The following CTPS1 variants were observed in gnomAD, a reference collection of about 807,000 sequenced individuals.
CTPS1 encodes the protein CTP synthase 1, also known as CTP synthetase 1.
CTPS1 carries 25 observed loss-of-function variants against 80.5 expected under a neutral mutation model. That is an observed-to-expected ratio of 0.31 (90% confidence interval 0.23 to 0.43). CTPS1 has a LOEUF of 0.43. Among genes scored for constraint, CTPS1 ranks in the 20% least tolerant of loss-of-function variants. The probability of loss-of-function intolerance (pLI) is 1.00; values close to 1 mark genes in which losing one functional copy is unlikely to be tolerated. For missense variants in CTPS1, 442 were observed against 725.7 expected (o/e 0.61, Z 4.49); for synonymous variants, 267 against 252.5 (o/e 1.06, Z -0.54).
At chr1:41,003,018 A>T in intron 11 of CTPS1, 96 bp from the exon 12 acceptor site, 3 of 1,198,938 alleles carry the variant, frequency 2.5e-6, no homozygotes, top group Non-Finnish European at 3.7e-6. Flanking sequence ...ATAATTCTCC[A>T]AATAAAGGAC....
chr1:40,990,452 A>G (rs1055035072), intron 5 of CTPS1, among the ~76,000 whole-genome samples: 2 of 152,158 alleles, frequency 1.3e-5, no homozygotes, highest in African/African-American at 2.4e-5. Flanking sequence ...CTTAGCAACA[A>G]TACTGGAAGC....
Position 41,009,545 on chromosome 1 carries a change from G to A in CTPS1, c.1647G>A (p.Gly549=). The A allele has an allele frequency of 6.2e-7, 1 of 1,614,132 alleles. No homozygotes were observed. The highest frequency in any genetic ancestry group is 1.7e-4 in the Middle Eastern group (1 of 6,060). Reference sequence around the variant, plus strand: ...TTGGCCTCCTCCTGGCCTCTGTGGGGCGGCTCTCACATTACCTCCAGAAAG... The same window carrying A: ...TTGGCCTCCTCCTGGCCTCTGTGGGACGGCTCTCACATTACCTCCAGAAAG... ...PYFGLLLASV[G]RLSHYLQKGC... Residue 549 remains glycine (G), a synonymous_variant, in exon 17 of 19, where the codon GGG becomes GGA. Coordinates refer to ENST00000650070, the MANE Select transcript of CTPS1 (RefSeq NM_001905.4).
intron 9 of CTPS1, among the ~76,000 whole-genome samples, chr1:41,000,386 G>T (rs997548678): frequency 6.6e-6 from 1 of 151,878 alleles, no homozygotes; most frequent in African/African-American, 2.4e-5. Flanking sequence ...GGGACTACAG[G>T]TGCATGCCAC....
intron 13 of CTPS1, among the ~76,000 whole-genome samples, chr1:41,006,506 C>CT (rs1643038345): frequency 6.6e-6 from 1 of 152,186 alleles, no homozygotes; most frequent in African/African-American, 2.4e-5. Flanking sequence ...AGCCATAGTC[C>CT]TGGGAGAACT....
chr1:40,984,782 T>C (rs1642409607), intron 2 of CTPS1, 39 bp from the exon 3 acceptor site: 1 of 1,423,652 alleles, frequency 7.0e-7, no homozygotes, highest in African/African-American at 1.4e-5. Flanking sequence ...GGTATAGGTA[T>C]TTTTCACTTA....
intron 1 of CTPS1, 37 bp from the exon 2 acceptor site, chr1:40,983,241 A>T: frequency 6.4e-7 from 1 of 1,572,772 alleles, no homozygotes; most frequent in Non-Finnish European, 8.7e-7. Context: ...GTTTGTTGAG[A>T]TACATTTATA....
intron 2 of CTPS1, among the ~76,000 whole-genome samples, chr1:40,983,669 C>T (rs530361480): frequency 6.7e-6 from 1 of 148,550 alleles, no homozygotes; most frequent in East Asian, 2.0e-4. Flanking sequence ...GTCCCTCAGG[C>T]TGGAGTGTAG....
chr1:40,988,392 G>T (rs368119775), intron 4 of CTPS1: 29 of 499,024 alleles, frequency 5.8e-5, no homozygotes, highest in African/African-American at 4.8e-4. Flanking sequence ...CTTTGGGAAG[G>T]ATGAGCCTGT....
At chr1:40,996,520 C>G (rs1448077437) in intron 8 of CTPS1, among the ~76,000 whole-genome samples, 1 of 152,184 alleles carries the variant, frequency 6.6e-6, no homozygotes, top group Non-Finnish European at 1.5e-5. Context: ...GTGTTGCTGC[C>G]TACTCCACTA....
At chr1:40,981,976 A>G in intron 1 of CTPS1, 1 of 1,288,564 alleles carries the variant, frequency 7.8e-7, no homozygotes, top group Non-Finnish European at 1.0e-6. Context: ...GAGGAGGAAA[A>G]TGTCCTGACC....
Position 41,012,452 on chromosome 1 carries a change from A to G in CTPS1, c.*804A>G, listed in dbSNP as rs1643197709. On this transcript the variant is annotated 3_prime_UTR_variant, in exon 19 of 19. Coordinates refer to ENST00000650070, the MANE Select transcript of CTPS1 (RefSeq NM_001905.4). ...TTACTGCAGTTGAAAGGGCAATATG[A>G]AGTTACTTTCTTAATGTGACCTAGC... 1 of 152,016 alleles carries G rather than the reference A, an allele frequency of 6.6e-6. No individual in the cohort carries two copies. The highest frequency in any genetic ancestry group is 6.5e-5 in the Admixed American group (1 of 15,270). The allele number at this position is 152,016 out of a possible 1,614,324, so 9.4% of individuals were successfully genotyped here.
intron 12 of CTPS1, among the ~76,000 whole-genome samples, chr1:41,003,714 C>T (rs1263723699): frequency 6.6e-6 from 1 of 152,224 alleles, no homozygotes; most frequent in East Asian, 1.9e-4. Flanking sequence ...GGGAAATGCT[C>T]AGATAATATC....
rs773324318 is a variant in CTPS1, at chr1:41,006,105, T to G, written c.1296+11T>G. On this transcript the variant is annotated intron_variant, in intron 13 of 18. Transcript: ENST00000650070. ...ACCAGTCATCCCGTGGTGAGTCAAG[T>G]GTTTGAACCTCCACAGGGCTTAGAA... 7 of 1,610,730 alleles carry G rather than the reference T, an allele frequency of 4.3e-6. No individual in the cohort carries two copies. Among genetic ancestry groups the G allele is most frequent in the Non-Finnish European group, 4.2e-6 (5 of 1,176,906 alleles).
chr1:40,985,711 C>T (rs2148389138), intron 3 of CTPS1, among the ~76,000 whole-genome samples: 1 of 152,212 alleles, frequency 6.6e-6, no homozygotes, highest in Middle Eastern at 3.4e-3. Context: ...AGCTGAGGGT[C>T]ACACTGACAG....
In CTPS1 at chr1:41,003,098, TC is replaced by T. The variant is rs770131083; in HGVS notation, c.1190-10del. 1.9e-5 allele frequency: 30 copies of T among 1,613,906 alleles called. 1 individual carries two copies. The highest frequency in any genetic ancestry group is 1.7e-4 in the African/African-American group (13 of 74,888). On this transcript the variant is annotated splice_polypyrimidine_tract_variant and intron_variant, in intron 11 of 18. Transcript: ENST00000650070. ...TTTCAATGGAGTTTTGTTTGTTTTT[TC>T]CCCCCGACTGGAAGGCGTGTGCTTA...
In CTPS1 at chr1:41,010,159, A is replaced by G. The variant is rs1643134093; in HGVS notation, c.1692-2A>G. ...GATGCGTAAACCATCTGAATTCTACAGGGACACCTATAGTGACAGGAGTGG... is the reference window on the plus strand; with the variant it reads ...GATGCGTAAACCATCTGAATTCTACGGGGACACCTATAGTGACAGGAGTGG... On this transcript the variant is annotated splice_acceptor_variant, in intron 17 of 18. Coordinates refer to ENST00000650070, the MANE Select transcript of CTPS1 (RefSeq NM_001905.4). LOFTEE classifies it high-confidence loss of function. 6.2e-7 allele frequency: 1 copy of G among 1,610,936 alleles called. No homozygotes were observed. Among genetic ancestry groups the G allele is most frequent in the Non-Finnish European group, 8.5e-7 (1 of 1,177,490 alleles).
chr1:41,009,640 G>C (rs751559386), intron 17 of CTPS1, 51 bp downstream of exon 17: 1 of 1,602,474 alleles, frequency 6.2e-7, no homozygotes, highest in South Asian at 1.1e-5. Flanking sequence ...TAGTCCTTTA[G>C]GTGGTCGCTG....
Position 41,007,492 on chromosome 1 carries a change from C to G in CTPS1, c.1340C>G (p.Thr447Ser). Residue 447 changes from threonine to serine, a missense_variant, in exon 14 of 19, where the codon ACC becomes AGC. Thr to Ser is a moderately conservative substitution (Grantham distance 58). Around this residue, in one of 4 missense-constraint regions of CTPS1, gnomAD observed 321 missense variants for 467.2 expected, o/e 0.69. Coordinates refer to ENST00000650070, the MANE Select transcript of CTPS1 (RefSeq NM_001905.4). The surrounding 1 kb of genome is among the most constrained non-coding windows in gnomAD (Gnocchi z 4.4). Reference sequence around the variant, plus strand: ...CACAACCCAGGGCAGATGGGCGGAACCATGAGGCTGGGCAAGAGGAGAACC... The same window carrying G: ...CACAACCCAGGGCAGATGGGCGGAAGCATGAGGCTGGGCAAGAGGAGAACC... Reference protein sequence around the residue: ...PEHNPGQMGGTMRLGKRRTLF... With the variant: ...PEHNPGQMGGSMRLGKRRTLF... 1 of 1,614,140 alleles carries G rather than the reference C, an allele frequency of 6.2e-7. No homozygotes were observed.
chr1:41,008,338 G>A (rs552062132), intron 14 of CTPS1, among the ~76,000 whole-genome samples: 2 of 152,244 alleles, frequency 1.3e-5, no homozygotes, highest in African/African-American at 2.4e-5. Flanking sequence ...GGGCCTTGCC[G>A]TTTCGTACAT....
Sources: allele counts gnomAD v4.1 joint callset (sites outside exome capture counted in the v4.1 genomes callset), GRCh38; gene constraint gnomAD v4.1.1; regional missense constraint gnomAD v4.1.1; non-coding constraint Gnocchi (gnomAD v3.1); transcripts MANE v1.5; gene names NCBI Gene and HGNC (gene_info 2026-07-23, HGNC 2026-07-21).